The following GALNT10 variants were observed in gnomAD, a reference collection of about 807,000 sequenced individuals.
The protein encoded by GALNT10 is GalNAc transferase 10.
GALNT10 carries 41 observed loss-of-function variants against 75.0 expected under a neutral mutation model. That is an observed-to-expected ratio of 0.55 (90% confidence interval 0.43 to 0.71). The LOEUF is 0.71. GALNT10 is among the 30% of genes least tolerant of loss of function. The pLI is 0.00. For synonymous variants in GALNT10, 302 were observed against 313.0 expected, an observed-to-expected ratio of 0.96 and a Z score of 0.37; for missense variants, 727 against 818.5, an observed-to-expected ratio of 0.89 and a Z score of 1.36.
At chr5:154,217,146 C>T (rs1033980361) in intron 1 of GALNT10, among the ~76,000 whole-genome samples, 3 of 152,210 alleles carry the variant, frequency 2.0e-5, no homozygotes, top group African/African-American at 7.2e-5. Context: ...TGAGGTCAGG[C>T]AGCCCCCACT....
Position 154,416,197 on chromosome 5 carries a change from T to C in GALNT10, c.1653+265T>C, listed in dbSNP as rs1288523712. The stretch of plus-strand genomic sequence containing the variant: ...GCTCATGCCTGTAATCCCAGCACTT[T>C]GGGAGGCTGAGGTGGGTGGATCACC... On this transcript the variant is annotated intron_variant, in intron 11 of 11. Coordinates refer to ENST00000297107, the MANE Select transcript of GALNT10 (RefSeq NM_198321.4). The surrounding 1 kb of genome is among the most constrained non-coding windows in gnomAD (Gnocchi z 4.5). Among the ~76,000 whole-genome samples the C allele has an allele frequency of 1.3e-5, 2 of 151,992 alleles. No homozygotes were observed. The highest frequency in any genetic ancestry group is 1.3e-4 in the Admixed American group (2 of 15,262).
chr5:154,261,964 G>A (rs1055477279), intron 1 of GALNT10, among the ~76,000 whole-genome samples: 8 of 152,148 alleles, frequency 5.3e-5, no homozygotes, highest in African/African-American at 1.7e-4. Flanking sequence ...CCTATTTGGG[G>A]ATGAAGGAGA....
At chr5:154,193,830 G>T (rs1774896908) in intron 1 of GALNT10, among the ~76,000 whole-genome samples, 1 of 152,228 alleles carries the variant, frequency 6.6e-6, no homozygotes, top group African/African-American at 2.4e-5. Flanking sequence ...CATAACTCAT[G>T]CCAGCTCATC....
At chr5:154,250,291 C>A (rs558813073) in intron 1 of GALNT10, among the ~76,000 whole-genome samples, 27 of 152,128 alleles carry the variant, frequency 1.8e-4, no homozygotes, top group Non-Finnish European at 3.5e-4. Context: ...AGTCTTACTT[C>A]CAATTGTCTA....
chr5:154,191,148 C>A, intron 1 of GALNT10, 123 bp downstream of exon 1: 3 of 652,724 alleles, frequency 4.6e-6, no homozygotes, highest in Non-Finnish European at 6.7e-6. Context: ...CTCTTCAGCT[C>A]TTCCCATTTT....
At chr5:154,330,908 G>GGGGT (rs769311099) in intron 4 of GALNT10, among the ~76,000 whole-genome samples, 1 of 125,916 alleles carries the variant, frequency 7.9e-6, no homozygotes, top group African/African-American at 2.7e-5. Context: ...AGACAGAGAG[G>GGGGT]GTGTGTGTGT....
intron 4 of GALNT10, among the ~76,000 whole-genome samples, chr5:154,375,681 T>C (rs1203606138): frequency 2.6e-5 from 4 of 152,206 alleles, no homozygotes; most frequent in Admixed American, 2.6e-4. Flanking sequence ...CATCACCTCA[T>C]TTCACCAAAG....
chr5:154,296,277 G>T (rs972649009), intron 2 of GALNT10, among the ~76,000 whole-genome samples: 1 of 152,114 alleles, frequency 6.6e-6, no homozygotes, highest in Non-Finnish European at 1.5e-5. Context: ...TGTATTTTTA[G>T]TGGAGTTGGG....
At chr5:154,348,812 A>G (rs1417720070) in intron 4 of GALNT10, among the ~76,000 whole-genome samples, 1 of 152,174 alleles carries the variant, frequency 6.6e-6, no homozygotes, top group Non-Finnish European at 1.5e-5. Flanking sequence ...ATAAATTGAT[A>G]ACTTTTCAAT....
At chr5:154,202,248 G>T (rs1045496068) in intron 1 of GALNT10, among the ~76,000 whole-genome samples, 1 of 152,310 alleles carries the variant, frequency 6.6e-6, no homozygotes, top group East Asian at 1.9e-4. Flanking sequence ...GCCGGGGCAG[G>T]AGTGGGGGTC....
chr5:154,240,333 AAG>A (rs1352682321), intron 1 of GALNT10, among the ~76,000 whole-genome samples: 6 of 152,258 alleles, frequency 3.9e-5, no homozygotes. Flanking sequence ...GATTATGATA[AAG>A]AGTGGAACAG....
At chr5:154,310,688 T>C (rs1173434938) in intron 3 of GALNT10, among the ~76,000 whole-genome samples, 2 of 152,084 alleles carry the variant, frequency 1.3e-5, no homozygotes, top group Non-Finnish European at 2.9e-5. Context: ...GCCAGGCTGG[T>C]CTGGAACTCC....
intron 1 of GALNT10, among the ~76,000 whole-genome samples, chr5:154,229,800 C>T (rs566888070): frequency 6.6e-6 from 1 of 152,094 alleles, no homozygotes; most frequent in African/African-American, 2.4e-5. Flanking sequence ...TCCGTAGTAT[C>T]CCTACTTTCT....
chr5:154,283,327 T>C (rs1754068146), intron 1 of GALNT10, among the ~76,000 whole-genome samples: 1 of 145,948 alleles, frequency 6.9e-6, no homozygotes, highest in Non-Finnish European at 1.5e-5. Flanking sequence ...CATGTACCTG[T>C]AGTCTTAGTT....
At chr5:154,307,889 A>G (rs896991207) in intron 3 of GALNT10, among the ~76,000 whole-genome samples, 1 of 151,478 alleles carries the variant, frequency 6.6e-6, no homozygotes, top group East Asian at 2.0e-4. Context: ...CACCCTGAGC[A>G]GGGTTGTATG....
intron 7 of GALNT10, chr5:154,403,775 G>A (rs1411279285): frequency 2.8e-6 from 1 of 358,220 alleles, no homozygotes; most frequent in Non-Finnish European, 5.2e-6. Flanking sequence ...TGTGACCTGA[G>A]TCACATTTCT....
chr5:154,317,563 T>G (rs6580072), intron 3 of GALNT10, among the ~76,000 whole-genome samples: 109,270 of 151,998 alleles, frequency 0.72, 39,862 homozygotes, highest in Admixed American at 0.83. Flanking sequence ...ACAAGCAAAG[T>G]TCTCCTATAG....
chr5:154,345,904 C>G (rs115418203), intron 4 of GALNT10, among the ~76,000 whole-genome samples: 2 of 151,164 alleles, frequency 1.3e-5, no homozygotes, highest in Admixed American at 1.3e-4. Context: ...CTCAGCCACC[C>G]AAAGTGCCTG....
intron 1 of GALNT10, among the ~76,000 whole-genome samples, chr5:154,263,236 G>C (rs992567699): frequency 4.6e-5 from 7 of 152,218 alleles, no homozygotes; most frequent in African/African-American, 1.4e-4. Flanking sequence ...GACAAAAGGT[G>C]GGAACAACTG....
Sources: gnomAD v4.1 joint callset for allele counts (sites outside exome capture counted in the v4.1 genomes callset) on GRCh38, gnomAD v4.1.1 for gene constraint, Gnocchi (gnomAD v3.1) non-coding constraint, MANE v1.5 for transcripts, NCBI Gene and HGNC (gene_info 2026-07-23, HGNC 2026-07-21) for gene names.